Variants in ULK4 observed in about 807,000 individuals in gnomAD.
ULK4 encodes unc-51 like kinase 4.
Under a neutral mutation model 160.6 loss-of-function variants are expected in ULK4, and 133 were observed. The ratio of observed to expected loss-of-function variants is 0.83; its 90% CI spans 0.72 to 0.96. The LOEUF (loss-of-function observed/expected upper bound fraction) is 0.96. Among genes scored for constraint, ULK4 ranks in the 40% least tolerant of loss-of-function variants. ULK4 has a pLI of 0.00. For synonymous variants in ULK4, 534 were observed against 539.8 expected, an observed-to-expected ratio of 0.99 and a Z score of 0.15; for missense variants, 1,580 against 1,499.5, an observed-to-expected ratio of 1.05 and a Z score of -0.89.
intron 35 of ULK4, chr3:41,258,219 A>C (rs905370002): frequency 1.3e-5 from 2 of 152,340 alleles, no homozygotes; most frequent in East Asian, 1.9e-4. Context: ...TTCAAAAACC[A>C]AATTATGGGT....
At chr3:41,300,215 T>C (rs1013847264) in intron 35 of ULK4, among the ~76,000 whole-genome samples, 1 of 152,174 alleles carries the variant, frequency 6.6e-6, no homozygotes, top group African/African-American at 2.4e-5. Context: ...GCTGTCTGAT[T>C]TATATATCAC....
At chr3:41,662,081 G>A (rs1039635223) in intron 30 of ULK4, among the ~76,000 whole-genome samples, 5 of 152,078 alleles carry the variant, frequency 3.3e-5, no homozygotes, top group African/African-American at 1.2e-4. Flanking sequence ...CAAAAGTCCA[G>A]GAAATATATA....
intron 27 of ULK4, among the ~76,000 whole-genome samples, 166 bp from the exon 28 acceptor site, chr3:41,681,970 C>A (rs1279532652): frequency 6.6e-6 from 1 of 152,080 alleles, no homozygotes; most frequent in East Asian, 1.9e-4. Context: ...AATAAACCAC[C>A]AAGCTCATTT....
chr3:41,516,090 T>A (rs77851579), intron 32 of ULK4, among the ~76,000 whole-genome samples: 3 of 54,060 alleles, frequency 5.5e-5, no homozygotes, highest in Non-Finnish European at 1.9e-4. Flanking sequence ...AAATAAAATA[T>A]AACAAAAGAT....
At chr3:41,775,585 G>A (rs2125926612) in intron 21 of ULK4, among the ~76,000 whole-genome samples, 1 of 150,438 alleles carries the variant, frequency 6.6e-6, no homozygotes, top group East Asian at 1.9e-4. Context: ...TTTTAGTAGA[G>A]ATGGGGTTTC....
rs560953726 is a variant in ULK4, at chr3:41,671,659, AG to A, written c.2979-7961del. Among the ~76,000 whole-genome samples the A allele has an allele frequency of 8.2e-4, 125 of 152,254 alleles. No homozygotes were observed. In the South Asian group the frequency reaches 1.0e-2, roughly 12 times the overall value. ...GGAAAACTCTTCAGGACACTGGTCT[AG>A]GGAGAGATTTTATAGCTAAGACATC... is the stretch of plus-strand genomic sequence containing the variant. On this transcript the variant is annotated intron_variant, in intron 29 of 36. Coordinates refer to ENST00000301831, the MANE Select transcript of ULK4 (RefSeq NM_017886.4).
intron 32 of ULK4, among the ~76,000 whole-genome samples, chr3:41,545,952 T>C (rs78539324): frequency 0.044 from 6,739 of 152,314 alleles, 211 homozygotes; most frequent in South Asian, 0.068. Flanking sequence ...TTCTTCTTTA[T>C]AGATTCATTA....
chr3:41,386,754 T>C (rs1415003822), intron 35 of ULK4, among the ~76,000 whole-genome samples: 2 of 152,178 alleles, frequency 1.3e-5, no homozygotes, highest in African/African-American at 4.8e-5. Context: ...AAACTGCAGA[T>C]ACTAGGAGGA....
intron 22 of ULK4, among the ~76,000 whole-genome samples, chr3:41,746,272 CAA>C (rs34582395): frequency 8.7e-5 from 4 of 45,716 alleles, no homozygotes; most frequent in Admixed American, 2.5e-4. Context: ...CTGGAACCCA[CAA>C]AAAAAAAAAA....
chr3:41,835,776 C>CA (rs939449766), intron 18 of ULK4, 88 bp downstream of exon 18: 16 of 1,027,370 alleles, frequency 1.6e-5, no homozygotes, highest in Non-Finnish European at 1.9e-5. Context: ...GGCGCAAAAT[C>CA]AAAAAACTTT....
At chr3:41,792,764 C>A (rs912320457) in intron 20 of ULK4, among the ~76,000 whole-genome samples, 1 of 152,210 alleles carries the variant, frequency 6.6e-6, no homozygotes, top group African/African-American at 2.4e-5. Flanking sequence ...TTCTGAGCAA[C>A]TGAGAAGATG....
Position 41,415,413 on chromosome 3 carries a change from C to T in ULK4, c.3493-17149G>A, listed in dbSNP as rs79972182. 4.3e-4 allele frequency among the ~76,000 whole-genome samples: 65 copies of T among 152,224 alleles called. No individual in the cohort carries two copies. In the East Asian group the frequency reaches 0.011, roughly 26 times the overall value. ...TCCTACAATCTTGTGCCCCTACAAA[C>T]CTGTGCCCCTACAATCCATTTTCCC... On this transcript the variant is annotated intron_variant, in intron 34 of 36. Coordinates refer to ENST00000301831, the MANE Select transcript of ULK4 (RefSeq NM_017886.4).
At chr3:41,599,474 T>C (rs1226620366) in intron 31 of ULK4, among the ~76,000 whole-genome samples, 5 of 152,174 alleles carry the variant, frequency 3.3e-5, no homozygotes, top group African/African-American at 1.2e-4. Context: ...AGCAGTATTC[T>C]GCCTGCCAAA....
At chr3:41,821,026 C>T (rs944134680) in intron 18 of ULK4, among the ~76,000 whole-genome samples, 5 of 152,200 alleles carry the variant, frequency 3.3e-5, no homozygotes, top group Non-Finnish European at 7.3e-5. Flanking sequence ...ATGCCCACCA[C>T]AACCCTTAAC....
chr3:41,447,762 T>C (rs2083334712), intron 34 of ULK4, among the ~76,000 whole-genome samples: 1 of 152,194 alleles, frequency 6.6e-6, no homozygotes, highest in Non-Finnish European at 1.5e-5. Context: ...CTGGTTAATG[T>C]CATCTGCCCT....
intron 1 of ULK4, among the ~76,000 whole-genome samples, chr3:41,956,351 T>C (rs888408078): frequency 6.6e-6 from 1 of 152,186 alleles, no homozygotes; most frequent in African/African-American, 2.4e-5. Context: ...GGTATCTGTA[T>C]CCCTGCCCTC....
intron 25 of ULK4, among the ~76,000 whole-genome samples, chr3:41,713,346 T>C (rs1339081225): frequency 1.3e-5 from 2 of 152,196 alleles, no homozygotes; most frequent in African/African-American, 4.8e-5. Flanking sequence ...TTCACAATAA[T>C]GTGCACAAGA....
intron 27 of ULK4, among the ~76,000 whole-genome samples, chr3:41,703,059 G>A (rs1169546790): frequency 2.0e-5 from 3 of 151,840 alleles, no homozygotes; most frequent in African/African-American, 4.8e-5. Context: ...TCACCATGTT[G>A]GCCAGGATGG....
chr3:41,882,251 C>T, intron 17 of ULK4: 1 of 702,928 alleles, frequency 1.4e-6, no homozygotes, highest in Middle Eastern at 2.3e-4. Context: ...CAAGACAGTT[C>T]AAAATCCCGA....
Sources: gnomAD v4.1 joint callset for allele counts (sites outside exome capture counted in the v4.1 genomes callset) on GRCh38, gnomAD v4.1.1 for gene constraint, MANE v1.5 for transcripts, NCBI Gene and HGNC (gene_info 2026-07-23, HGNC 2026-07-21) for gene names.